Variants in CCDC91 observed in about 807,000 individuals in gnomAD.
CCDC91 encodes coiled-coil domain-containing protein 91.
CCDC91 carries 48 observed loss-of-function variants against 63.2 expected under a neutral mutation model. The observed-to-expected ratio is 0.76, with a 90% confidence interval of 0.60 to 0.97. CCDC91 has a LOEUF of 0.97. CCDC91 is among the 50% of genes least tolerant of loss of function. The pLI, the probability that CCDC91 is intolerant of heterozygous loss-of-function variation, is 0.00. For missense variants in CCDC91, 500 were observed against 494.6 expected (o/e 1.01, Z -0.10); for synonymous variants, 167 against 165.8 (o/e 1.01, Z -0.06).
At chr12:28,375,275 T>A (rs1944875721) in intron 7 of CCDC91, among the ~76,000 whole-genome samples, 1 of 152,004 alleles carries the variant, frequency 6.6e-6, no homozygotes, top group South Asian at 2.1e-4. Flanking sequence ...ATATTAGGTA[T>A]TATCATTATC....
In CCDC91 at chr12:28,307,668, G is replaced by C. The variant is rs772284029; in HGVS notation, c.495G>C (p.Lys165Asn). The change falls in exon 6 of 13, where the codon AAG becomes AAC. Residue 165 changes from lysine to asparagine, a missense_variant. Coordinates refer to ENST00000536442, the MANE Select transcript of CCDC91 (RefSeq NM_018318.5). ...IKQDVESLME[K>N]HNVLEKGFLK... ...AGGATGTGGAATCATTGATGGAAAA[G>C]CATAATGTCTTAGAAAAAGGCTTTC... 1 of 1,568,168 alleles carries C rather than the reference G, an allele frequency of 6.4e-7. No homozygotes were observed. The highest frequency in any genetic ancestry group is 1.8e-5 in the Admixed American group (1 of 54,714).
At chr12:28,346,488 T>C (rs1256672392) in intron 6 of CCDC91, among the ~76,000 whole-genome samples, 1 of 152,220 alleles carries the variant, frequency 6.6e-6, no homozygotes, top group Non-Finnish European at 1.5e-5. Flanking sequence ...TCTGGGCCTA[T>C]ATTTGTCTAT....
At chr12:28,522,887 A>G (rs1246770752) in intron 12 of CCDC91, among the ~76,000 whole-genome samples, 1 of 152,110 alleles carries the variant, frequency 6.6e-6, no homozygotes, top group Non-Finnish European at 1.5e-5. Context: ...AGTGGTTTTG[A>G]GTGAGTTTCT....
At chr12:28,495,944 G>A (rs1323084574) in intron 12 of CCDC91, among the ~76,000 whole-genome samples, 1 of 151,508 alleles carries the variant, frequency 6.6e-6, no homozygotes, top group African/African-American at 2.4e-5. Flanking sequence ...AAGAATACCA[G>A]CTGAATCTTT....
intron 11 of CCDC91, 92 bp from the exon 12 acceptor site, chr12:28,483,960 C>T (rs370269718): frequency 3.1e-6 from 2 of 645,448 alleles, no homozygotes; most frequent in East Asian, 5.7e-5. Flanking sequence ...TGAGCTGAAA[C>T]CCGCTGAAGA....
chr12:28,327,453 G>T (rs549834921), intron 6 of CCDC91, among the ~76,000 whole-genome samples: 59 of 152,130 alleles, frequency 3.9e-4, no homozygotes, highest in African/African-American at 1.4e-3. Context: ...ATAATAAAAA[G>T]ATTAGGGTGG....
intron 12 of CCDC91, among the ~76,000 whole-genome samples, chr12:28,534,889 A>G (rs112315480): frequency 2.6e-5 from 4 of 152,316 alleles, no homozygotes; most frequent in African/African-American, 9.6e-5. Context: ...AAGGTTAGAC[A>G]CTTAATCCAT....
At chr12:28,499,095 G>A (rs1241198677) in intron 12 of CCDC91, among the ~76,000 whole-genome samples, 3 of 151,522 alleles carry the variant, frequency 2.0e-5, no homozygotes, top group Admixed American at 6.6e-5. Flanking sequence ...CATAGGGGAA[G>A]CTTTTATGGT....
Position 28,267,840 on chromosome 12 carries a change from TA to T in CCDC91, c.109+8399del, listed in dbSNP as rs1254213539. Among the ~76,000 whole-genome samples, 5 of 17,978 alleles carry T rather than the reference TA, an allele frequency of 2.8e-4. No individual in the cohort carries two copies. The Admixed American group carries it at 4.2e-3, about 15-fold the overall frequency. 11.8% of individuals were successfully genotyped at this position (17,978 alleles called of 152,430 possible). A position where few individuals can be genotyped will look rare whatever the true frequency, so the allele number is the denominator to read the frequency against. ...ATTATATTATTAATATATAATTATATATAATTATATAGTAATATATAATTAT... is the reference window on the plus strand; with the variant it reads ...ATTATATTATTAATATATAATTATATTAATTATATAGTAATATATAATTAT... On this transcript the variant is annotated intron_variant, in intron 3 of 12. Transcript: ENST00000536442.
At chr12:28,266,993 A>G (rs1385692303) in intron 3 of CCDC91, among the ~76,000 whole-genome samples, 3 of 151,930 alleles carry the variant, frequency 2.0e-5, no homozygotes, top group East Asian at 1.9e-4. Context: ...CTCATCAGCT[A>G]TCCATCCTGA....
chr12:28,359,729 A>G (rs1158657306), intron 6 of CCDC91, among the ~76,000 whole-genome samples: 4 of 150,082 alleles, frequency 2.7e-5, no homozygotes, highest in Admixed American at 6.6e-5. Context: ...ATGCATCCCA[A>G]GAACTGCCTA....
At chr12:28,483,894 A>G (rs537269836) in intron 11 of CCDC91, among the ~76,000 whole-genome samples, 158 bp from the exon 12 acceptor site, 1 of 152,278 alleles carries the variant, frequency 6.6e-6, no homozygotes, top group South Asian at 2.1e-4. Context: ...TCTCTAACAG[A>G]TCGCAAAAGA....
At chr12:28,488,415 A>G (rs1305767410) in intron 12 of CCDC91, among the ~76,000 whole-genome samples, 1 of 151,828 alleles carries the variant, frequency 6.6e-6, no homozygotes, top group Non-Finnish European at 1.5e-5. Flanking sequence ...TGTAATGAAA[A>G]TATCCAAATA....
intron 8 of CCDC91, among the ~76,000 whole-genome samples, chr12:28,406,516 G>T (rs778717113): frequency 3.3e-5 from 5 of 152,040 alleles, no homozygotes; most frequent in African/African-American, 4.8e-5. Flanking sequence ...ATATATTCTA[G>T]ATATAAACCC....
At chr12:28,435,516 T>A (rs1948857192) in intron 8 of CCDC91, among the ~76,000 whole-genome samples, 1 of 151,822 alleles carries the variant, frequency 6.6e-6, no homozygotes, top group Non-Finnish European at 1.5e-5. Context: ...TGAAGGTTTG[T>A]TTTATGGCTT....
At chr12:28,274,000 C>G (rs1257294780) in intron 3 of CCDC91, among the ~76,000 whole-genome samples, 2 of 152,128 alleles carry the variant, frequency 1.3e-5, no homozygotes, top group Admixed American at 6.6e-5. Context: ...TTTAATCCAT[C>G]TTGAATTAAT....
intron 3 of CCDC91, among the ~76,000 whole-genome samples, chr12:28,290,994 GT>G (rs1037261448): frequency 6.6e-6 from 1 of 151,866 alleles, no homozygotes; most frequent in African/African-American, 2.4e-5. Flanking sequence ...CCGTATCCTT[GT>G]TTTTTTTACT....
At chr12:28,506,063 ATTTAC>A (rs886580255) in intron 12 of CCDC91, among the ~76,000 whole-genome samples, 10 of 152,002 alleles carry the variant, frequency 6.6e-5, no homozygotes, top group East Asian at 1.9e-4. Flanking sequence ...TCTTATTTGT[ATTTAC>A]TTTAGTTAAA....
intron 12 of CCDC91, among the ~76,000 whole-genome samples, chr12:28,519,602 G>C (rs1940364215): frequency 6.6e-6 from 1 of 151,160 alleles, no homozygotes; most frequent in Admixed American, 6.6e-5. Flanking sequence ...CAAGTTCTAG[G>C]GTACACGTGC....
Sources: allele counts gnomAD v4.1 joint callset (sites outside exome capture counted in the v4.1 genomes callset), GRCh38; gene constraint gnomAD v4.1.1; transcripts MANE v1.5; gene names NCBI Gene and HGNC (gene_info 2026-07-23, HGNC 2026-07-21).